HDAC4: variants seen among roughly 807,000 people sequenced by gnomAD.
HDAC4 encodes the protein histone deacetylase 4.
HDAC4 carries 16 observed loss-of-function variants against 135.1 expected under a neutral mutation model. That is an observed-to-expected ratio of 0.12 (90% CI 0.08 to 0.18). HDAC4 has a LOEUF of 0.18. HDAC4 is among the 10% of genes least tolerant of loss of function. HDAC4 has a pLI of 1.00. For synonymous variants in HDAC4, 685 were observed against 653.4 expected (o/e 1.05, Z -0.74); for missense variants, 1,143 against 1,511.8 (o/e 0.76, Z 4.05).
rs2041632971 is a variant in HDAC4, at chr2:239,144,658, G to A, written c.790C>T (p.Arg264Trp). 3.1e-6 allele frequency: 5 copies of A among 1,614,052 alleles called. No homozygotes were observed. Among genetic ancestry groups the A allele is most frequent in the Admixed American group, 1.7e-5 (1 of 60,004 alleles). The change falls in exon 8 of 27, where the codon CGG becomes TGG. Residue 264 changes from arginine to tryptophan, a missense_variant. By Grantham distance (101) the Arg-to-Trp change is moderately radical. This residue lies in a region of HDAC4 where 272 missense variants were observed against 309.7 expected (regional missense o/e 0.88). Coordinates refer to ENST00000543185, the MANE Select transcript of HDAC4 (RefSeq NM_001378414.1). ...TTCCTGCGTAACAGGGGGCTGCTCC[G>A]TCTTTCGGCCACTTTCTGCTTTAGC... ...SRLKQKVAER[R>W]SSPLLRRKDG...
intron 2 of HDAC4, among the ~76,000 whole-genome samples, chr2:239,321,391 G>A (rs1216597335): frequency 1.3e-5 from 2 of 148,176 alleles, no homozygotes; most frequent in Non-Finnish European, 3.0e-5. Flanking sequence ...TGTGAACCCG[G>A]GAGACGGAGC....
intron 15 of HDAC4, among the ~76,000 whole-genome samples, chr2:239,104,930 C>T (rs762580811): frequency 3.9e-5 from 6 of 152,238 alleles, no homozygotes; most frequent in Non-Finnish European, 8.8e-5. Flanking sequence ...GGATCAAAGC[C>T]CCAAAAGCTC....
At chr2:239,219,900 ATG>A (rs909538354) in intron 3 of HDAC4, among the ~76,000 whole-genome samples, 7 of 152,246 alleles carry the variant, frequency 4.6e-5, no homozygotes, top group African/African-American at 1.7e-4. Flanking sequence ...GAAGACACAC[ATG>A]GTCAGCACTA....
chr2:239,195,402 C>G lies in HDAC4; in HGVS notation c.95-5325G>C, dbSNP rs1364387753. Among the ~76,000 whole-genome samples, 3 of 152,324 alleles carry G rather than the reference C, an allele frequency of 2.0e-5. No individual in the cohort carries two copies. In the East Asian group the frequency reaches 5.8e-4, roughly 29 times the overall value. ...GCGTTCACAGGGCAAGGAGACCCAC[C>G]CCAGGGCTCCTGAGGGCTTCCTAAT... On this transcript the variant is annotated intron_variant, in intron 3 of 26. Coordinates refer to ENST00000543185, the MANE Select transcript of HDAC4 (RefSeq NM_001378414.1).
At chr2:239,089,902 C>T (rs571602630) in intron 18 of HDAC4, 107 bp downstream of exon 18, 86 of 838,322 alleles carry the variant, frequency 1.0e-4, no homozygotes, top group Middle Eastern at 2.4e-4. Context: ...CCCATCACAG[C>T]CGCCTCCCAG....
rs2050042033 is a variant in HDAC4 at position 239,271,236 on chromosome 2, C to G, written c.23-34572G>C. On this transcript the variant is annotated intron_variant, in intron 2 of 26. Transcript: ENST00000543185. ...TCAGGTGATCCTCCCATCTCACACT[C>G]CTGAGTAGCTGGAATCATAGGTGCA... 2.0e-5 allele frequency among the ~76,000 whole-genome samples: 3 copies of G among 152,164 alleles called. No homozygotes were observed. The South Asian group carries it at 6.2e-4, about 31-fold the overall frequency.
chr2:239,071,083 G>C (rs980010124), intron 22 of HDAC4, among the ~76,000 whole-genome samples: 4 of 152,078 alleles, frequency 2.6e-5, no homozygotes, highest in Non-Finnish European at 5.9e-5. Context: ...TAGTTTAATG[G>C]AGTGAGCAGA....
Position 239,139,015 on chromosome 2 carries a change from C to T in HDAC4, c.978+669G>A, listed in dbSNP as rs142865272. ...CAAGCGTCCCCTGACTCCTCTCTAG[C>T]TTGCCAATGTCCCTCCCAGACTGTG... is the stretch of plus-strand genomic sequence containing the variant. On this transcript the variant is annotated intron_variant, in intron 9 of 26. Coordinates refer to ENST00000543185, the MANE Select transcript of HDAC4 (RefSeq NM_001378414.1). This position sits in a 1 kb window ranked among gnomAD's most constrained non-coding sequence, Gnocchi z 5.3. Among the ~76,000 whole-genome samples, 627 of 152,308 alleles carry T rather than the reference C, an allele frequency of 4.1e-3. 7 individuals carry two copies. Among genetic ancestry groups the T allele is most frequent in the Non-Finnish European group, 6.8e-3 (462 of 68,028 alleles).
chr2:239,307,743 C>A lies in HDAC4; in HGVS notation c.22+44935G>T, dbSNP rs1181771361. On this transcript the variant is annotated intron_variant, in intron 2 of 26. Transcript: ENST00000543185. This position sits in a 1 kb window ranked among gnomAD's most constrained non-coding sequence, Gnocchi z 4.8. ...CTGCTGGGATGATTTTCTTCAAGTT[C>A]TCTTTTAGAACAAGCAAAATGGAAT... is the stretch of plus-strand genomic sequence containing the variant. 6.6e-6 allele frequency among the ~76,000 whole-genome samples: 1 copy of A among 152,172 alleles called. No individual in the cohort carries two copies. Among genetic ancestry groups the A allele is most frequent in the Non-Finnish European group, 1.5e-5 (1 of 68,040 alleles).
chr2:239,190,174 C>CGGGGGGGGGG, intron 3 of HDAC4, 97 bp from the exon 4 acceptor site: 1 of 1,070,338 alleles, frequency 9.3e-7, no homozygotes, highest in Non-Finnish European at 1.2e-6. Flanking sequence ...CTTCACGGGG[C>CGGGGGGGGGG]GGGGGGGGGG....
chr2:239,395,549 T>TA (rs1292773906), intron 1 of HDAC4, among the ~76,000 whole-genome samples: 1 of 152,234 alleles, frequency 6.6e-6, no homozygotes, highest in South Asian at 2.1e-4. Flanking sequence ...ATTACTACTG[T>TA]AAAAAAGTAA....
chr2:239,281,221 ACACACAATGTACACACCACTCTC>A (rs1355306738), intron 2 of HDAC4, among the ~76,000 whole-genome samples: 7 of 133,924 alleles, frequency 5.2e-5, no homozygotes, highest in Admixed American at 1.4e-4. Context: ...ACACCACTCT[ACACACAATGTACACACCACTCTC>A]CACACAATGT....
At chr2:239,180,192 G>A (rs190931092) in intron 4 of HDAC4, among the ~76,000 whole-genome samples, 64 of 152,080 alleles carry the variant, frequency 4.2e-4, no homozygotes, top group Admixed American at 1.2e-3. Context: ...CCTCTCCTGC[G>A]AGAGCCTGGA....
intron 2 of HDAC4, among the ~76,000 whole-genome samples, chr2:239,288,745 C>T (rs553370485): frequency 1.3e-5 from 2 of 151,722 alleles, no homozygotes; most frequent in African/African-American, 2.4e-5. Context: ...TAACTTGACA[C>T]GTACAAGACC....
chr2:239,259,295 A>G (rs569937739), intron 2 of HDAC4, among the ~76,000 whole-genome samples: 18 of 152,246 alleles, frequency 1.2e-4, no homozygotes, highest in Non-Finnish European at 2.2e-4. Flanking sequence ...CCAAGAATAC[A>G]CAAAATTAGC....
chr2:239,144,463 G>A, intron 8 of HDAC4, 120 bp downstream of exon 8: 1 of 1,310,432 alleles, frequency 7.6e-7, no homozygotes, highest in African/African-American at 1.4e-5. Flanking sequence ...GGACCACACT[G>A]GGGGTTGACA....
Position 239,146,489 on chromosome 2 carries a change from G to A in HDAC4, c.734-1775C>T, listed in dbSNP as rs2041771507. Among the ~76,000 whole-genome samples the A allele has an allele frequency of 6.6e-6, 1 of 152,124 alleles. No individual in the cohort carries two copies. The highest frequency in any genetic ancestry group is 2.1e-4 in the South Asian group (1 of 4,824). On this transcript the variant is annotated intron_variant, in intron 7 of 26. Coordinates refer to ENST00000543185, the MANE Select transcript of HDAC4 (RefSeq NM_001378414.1). This position sits in a 1 kb window ranked among gnomAD's most constrained non-coding sequence, Gnocchi z 4.5. ...TGGGACACGTGGCATCGGGAGGCGG[G>A]CATGACATGGTCACTCCAGGCTACC...
chr2:239,303,721 C>T lies in HDAC4; in HGVS notation c.22+48957G>A, dbSNP rs1034270776. Among the ~76,000 whole-genome samples the T allele has an allele frequency of 5.3e-5, 8 of 152,104 alleles. No individual in the cohort carries two copies. Among genetic ancestry groups the T allele is most frequent in the Admixed American group, 1.3e-4 (2 of 15,274 alleles). On this transcript the variant is annotated intron_variant, in intron 2 of 26. Coordinates refer to ENST00000543185, the MANE Select transcript of HDAC4 (RefSeq NM_001378414.1). This position sits in a 1 kb window ranked among gnomAD's most constrained non-coding sequence, Gnocchi z 5.1. ...AAACTTGCTCACTTGTAAACAACGT[C>T]GGGCAGCAACTGCAGGCCTCACCCC... is the stretch of plus-strand genomic sequence containing the variant.
chr2:239,160,214 A>G (rs1387245823), intron 6 of HDAC4, among the ~76,000 whole-genome samples: 2 of 152,250 alleles, frequency 1.3e-5, no homozygotes, highest in Non-Finnish European at 2.9e-5. Flanking sequence ...CGATTAAACC[A>G]TTATAAAAAC....
Sources: gnomAD v4.1 joint callset for allele counts (sites outside exome capture counted in the v4.1 genomes callset) on GRCh38, gnomAD v4.1.1 for gene constraint, gnomAD v4.1.1 regional missense constraint, Gnocchi (gnomAD v3.1) non-coding constraint, MANE v1.5 for transcripts, NCBI Gene and HGNC (gene_info 2026-07-23, HGNC 2026-07-21) for gene names.